The following AGT variants were observed in gnomAD, a reference collection of about 807,000 sequenced individuals.
AGT encodes alpha-1 antiproteinase, antitrypsin.
Under a neutral mutation model 28.1 loss-of-function variants are expected in AGT, and 26 were observed. That is an observed-to-expected ratio of 0.92 (90% CI 0.68 to 1.28). AGT has a LOEUF of 1.28. AGT is among the 50% of genes most tolerant of loss of function. The pLI, the probability that AGT is intolerant of heterozygous loss-of-function variation, is 0.00. For missense variants in AGT, 596 were observed against 592.3 expected (o/e 1.01, Z -0.06); for synonymous variants, 259 against 259.6 (o/e 1.00, Z 0.02).
Position 230,702,976 on chromosome 1 carries a change from G to A in AGT, c.*165C>T, listed in dbSNP as rs547882945. Reference sequence around the variant, plus strand: ...CTCCATGCAGCACACTTAGACCAAGGAGAAACGGCTGCTTTCCAGCTCAAA... The same window carrying A: ...CTCCATGCAGCACACTTAGACCAAGAAGAAACGGCTGCTTTCCAGCTCAAA... On this transcript the variant is annotated 3_prime_UTR_variant, in exon 5 of 5. Transcript: ENST00000366667. 1.3e-6 allele frequency: 1 copy of A among 750,750 alleles called. No homozygotes were observed. The highest frequency in any genetic ancestry group is 1.8e-5 in the African/African-American group (1 of 56,768). 46.5% of individuals were successfully genotyped at this position (750,750 alleles called of 1,614,324 possible).
rs772453722 is a variant in AGT, at chr1:230,710,504, C to T, written c.320G>A (p.Arg107His). 25 of 1,614,106 alleles carry T rather than the reference C, an allele frequency of 1.5e-5. No individual in the cohort carries two copies. Among genetic ancestry groups the T allele is most frequent in the African/African-American group, 1.1e-4 (8 of 74,938 alleles). ...TAGCTCACTGTGCATGCCATATATA[C>T]GGAAGCCCAAGAAGTTGGCCAGCAT... ...VGMLANFLGF[R>H]IYGMHSELWG... Residue 107 changes from arginine (R) to histidine (H), a missense_variant, in exon 2 of 5, where the codon CGT becomes CAT. Coordinates refer to ENST00000366667, the MANE Select transcript of AGT (RefSeq NM_001384479.1).
At position 230,726,923 on chromosome 1, in the gene AGT, C is replaced by T. The variant is rs538911104; in HGVS notation, c.-30-16070G>A. ...TATCTTCCAATGCTTCCTAAGAAGA[C>T]GTCTGGGCTAGCTGAGTGACGAATA... is the stretch of plus-strand genomic sequence containing the variant. On this transcript the variant is annotated intron_variant, in intron 1 of 4. Coordinates refer to the AGT transcript ENST00000681269. 2.0e-5 allele frequency among the ~76,000 whole-genome samples: 3 copies of T among 152,302 alleles called. No individual in the cohort carries two copies. The South Asian group carries it at 6.2e-4, about 32-fold the overall frequency.
chr1:230,719,406 G>GTT (rs57830002), upstream of AGT, among the ~76,000 whole-genome samples: 51 of 100,334 alleles, frequency 5.1e-4, no homozygotes, highest in Non-Finnish European at 7.7e-4. Context: ...TTATCATTAT[G>GTT]TTTTTTTTTT....
intron 1 of AGT, among the ~76,000 whole-genome samples, chr1:230,712,483 T>C (rs896758244): frequency 5.3e-5 from 8 of 152,206 alleles, no homozygotes; most frequent in Non-Finnish European, 1.2e-4. Context: ...CAGAAAACTC[T>C]CTCTGCTGCT....
intron 1 of AGT, among the ~76,000 whole-genome samples, chr1:230,733,318 GC>G (rs1228561275): frequency 6.6e-6 from 1 of 151,870 alleles, no homozygotes; most frequent in Non-Finnish European, 1.5e-5. Context: ...GTTCCTTTTT[GC>G]AAAATTCCTT....
chr1:230,712,317 A>C (rs1288160022), intron 1 of AGT, among the ~76,000 whole-genome samples: 1 of 151,826 alleles, frequency 6.6e-6, no homozygotes, highest in African/African-American at 2.4e-5. Context: ...ACCTGCCCTC[A>C]ACACGGTGCA....
Position 230,703,271 on chromosome 1 carries a change from G to A in AGT, c.1301C>T (p.Thr434Ile). The part of the protein sequence containing the change: ...EADEREPTES[T>I]QQLNKPEVLE... ...GACCTCAGGCTTGTTAAGCTGTTGG[G>A]TAGACTCTGTGGGCTCTCTCTCATC... The change falls in exon 5 of 5, where the codon ACC becomes ATC. Residue 434 changes from threonine to isoleucine, a missense_variant. By Grantham distance (89) the Thr-to-Ile change is moderately conservative. Transcript: ENST00000366667. 1 of 1,614,202 alleles carries A rather than the reference G, an allele frequency of 6.2e-7. No homozygotes were observed. The highest frequency in any genetic ancestry group is 8.5e-7 in the Non-Finnish European group (1 of 1,180,040).
chr1:230,723,152 A>G (rs1663878902), intron 1 of AGT, among the ~76,000 whole-genome samples: 1 of 152,058 alleles, frequency 6.6e-6, no homozygotes, highest in African/African-American at 2.4e-5. Flanking sequence ...TTCCTCCTTC[A>G]CACACACTTT....
At chr1:230,722,066 G>T (rs890170965) in intron 1 of AGT, among the ~76,000 whole-genome samples, 4 of 152,068 alleles carry the variant, frequency 2.6e-5, no homozygotes, top group African/African-American at 9.7e-5. Flanking sequence ...TTGTGGGCAG[G>T]CCTAGGGCCC....
chr1:230,727,180 C>G lies in AGT; in HGVS notation c.-30-16327G>C, dbSNP rs79171700. On this transcript the variant is annotated intron_variant, in intron 1 of 4. Coordinates refer to the AGT transcript ENST00000681269. ...GACCCTGATGCCTAGAAAGGATTCTCTCTCCTCCTACAATGTTGAGGCAAG... is the reference window on the plus strand; with the variant it reads ...GACCCTGATGCCTAGAAAGGATTCTGTCTCCTCCTACAATGTTGAGGCAAG... Among the ~76,000 whole-genome samples the G allele has an allele frequency of 3.1e-3, 478 of 152,306 alleles. 4 individuals are homozygous for G. Among genetic ancestry groups the G allele is most frequent in the African/African-American group, 0.011 (437 of 41,558 alleles).
intron 1 of AGT, among the ~76,000 whole-genome samples, chr1:230,745,440 C>G (rs1016773965): frequency 2.0e-5 from 3 of 152,208 alleles, no homozygotes; most frequent in Non-Finnish European, 4.4e-5. Flanking sequence ...GGGAATTTGT[C>G]TTAGTTCATT....
At chr1:230,731,007 T>C (rs1186962543) in intron 1 of AGT, among the ~76,000 whole-genome samples, 1 of 152,184 alleles carries the variant, frequency 6.6e-6, no homozygotes, top group Non-Finnish European at 1.5e-5. Context: ...CCCTATAGCT[T>C]AATAATGTAT....
At chr1:230,726,146 G>C in intron 1 of AGT, among the ~76,000 whole-genome samples, 1 of 152,186 alleles carries the variant, frequency 6.6e-6, no homozygotes, top group East Asian at 1.9e-4. Flanking sequence ...GGATCTTCCA[G>C]GTGAATGGAA....
Position 230,710,143 on chromosome 1 carries a change from T to A in AGT, c.681A>T (p.Pro227=). ...CCAGTTCTGTGAAGTCCAGAGAGCGTGGGAGGACCACAGGGGTATAGAGAG... is the reference window on the plus strand; with the variant it reads ...CCAGTTCTGTGAAGTCCAGAGAGCGAGGGAGGACCACAGGGGTATAGAGAG... The part of the protein sequence containing the change: ...GLALYTPVVL[P]RSLDFTELDV... The change falls in exon 2 of 5, where the codon CCA becomes CCT. Residue 227 remains proline, a synonymous_variant. Coordinates refer to ENST00000366667, the MANE Select transcript of AGT (RefSeq NM_001384479.1). 1 of 1,614,104 alleles carries A rather than the reference T, an allele frequency of 6.2e-7. No individual in the cohort carries two copies. Among genetic ancestry groups the A allele is most frequent in the Non-Finnish European group, 8.5e-7 (1 of 1,180,020 alleles).
At chr1:230,712,285 C>A (rs543309733) in intron 1 of AGT, among the ~76,000 whole-genome samples, 1 of 152,258 alleles carries the variant, frequency 6.6e-6, no homozygotes, top group South Asian at 2.1e-4. Flanking sequence ...GCTGGCTTCC[C>A]TCACCCAGAC....
At chr1:230,713,127 C>G (rs952543171) in intron 1 of AGT, among the ~76,000 whole-genome samples, 1 of 152,226 alleles carries the variant, frequency 6.6e-6, no homozygotes, top group African/African-American at 2.4e-5. Context: ...CTCCCCTTTT[C>G]CCTCCTTATA....
chr1:230,743,182 G>A (rs1378716295), intron 1 of AGT, among the ~76,000 whole-genome samples: 1 of 152,102 alleles, frequency 6.6e-6, no homozygotes, highest in South Asian at 2.1e-4. Flanking sequence ...GTAGAGTCAA[G>A]GTTTTACCAT....
chr1:230,703,489 C>A (rs1278316158), intron 4 of AGT, among the ~76,000 whole-genome samples, 160 bp from the exon 5 acceptor site: 1 of 152,156 alleles, frequency 6.6e-6, no homozygotes, highest in African/African-American at 2.4e-5. Flanking sequence ...TGTATGCCTG[C>A]CCCTCAGTGT....
intron 1 of AGT, among the ~76,000 whole-genome samples, chr1:230,740,310 CAG>C (rs1664224803): frequency 6.6e-6 from 1 of 152,018 alleles, no homozygotes; most frequent in Non-Finnish European, 1.5e-5. Context: ...TTTTATTTAT[CAG>C]TGGGTTCTTT....
Sources: allele counts gnomAD v4.1 joint callset (sites outside exome capture counted in the v4.1 genomes callset), GRCh38; gene constraint gnomAD v4.1.1; transcripts MANE v1.5; gene names NCBI Gene and HGNC (gene_info 2026-07-23, HGNC 2026-07-21).